Variants in BANP observed in about 807,000 individuals in gnomAD.
BANP encodes the protein protein BANP.
A neutral mutation model predicts 68.1 loss-of-function variants in BANP; 11 were observed. The observed-to-expected ratio is 0.16, with a 90% CI of 0.10 to 0.27. BANP has a LOEUF of 0.27. BANP is among the 10% of genes least tolerant of loss of function. The pLI, the probability that BANP is intolerant of heterozygous loss-of-function variation, is 1.00. For synonymous variants in BANP, 329 were observed against 303.2 expected (o/e 1.09, Z -0.88); for missense variants, 504 against 722.7 (o/e 0.70, Z 3.47).
At chr16:87,951,851 G>T (rs534556358) in intron 1 of BANP, among the ~76,000 whole-genome samples, 32 of 152,130 alleles carry the variant, frequency 2.1e-4, no homozygotes, top group Non-Finnish European at 4.3e-4. Context: ...AGGACCCGGA[G>T]CCACGGCGGG....
chr16:88,018,806 G>A lies in BANP; in HGVS notation c.895+139G>A. The A allele has an allele frequency of 3.4e-6, 4 of 1,172,404 alleles. No individual in the cohort carries two copies. Among genetic ancestry groups the A allele is most frequent in the Non-Finnish European group, 4.7e-6 (4 of 847,676 alleles). The allele number at this position is 1,172,404 out of a possible 1,614,324, so 72.6% of individuals were successfully genotyped here. On this transcript the variant is annotated intron_variant, in intron 7 of 13. Coordinates refer to ENST00000682872, the MANE Select transcript of BANP (RefSeq NM_001386991.1). The surrounding 1 kb of genome is among the most constrained non-coding windows in gnomAD (Gnocchi z 7.7). Reference sequence around the variant, plus strand: ...CAGGCGGTTTGAAATCTCAGCCCGAGGATCAGTGCTCGAGGGGATGGATGA... The same window carrying A: ...CAGGCGGTTTGAAATCTCAGCCCGAAGATCAGTGCTCGAGGGGATGGATGA...
At chr16:87,975,223 C>A in intron 2 of BANP, 38 bp downstream of exon 2, 1 of 1,604,420 alleles carries the variant, frequency 6.2e-7, no homozygotes, top group Non-Finnish European at 8.5e-7. Context: ...ATATTATTCT[C>A]TTTATTCTTC....
chr16:87,980,181 T>G (rs975300597), intron 2 of BANP, among the ~76,000 whole-genome samples: 1 of 152,234 alleles, frequency 6.6e-6, no homozygotes, highest in Non-Finnish European at 1.5e-5. Flanking sequence ...TGACACAATG[T>G]ACAATCTTTA....
At chr16:88,011,113 A>G (rs2072984960) in intron 6 of BANP, among the ~76,000 whole-genome samples, 1 of 152,242 alleles carries the variant, frequency 6.6e-6, no homozygotes, top group African/African-American at 2.4e-5. Context: ...TGAGTGCCAC[A>G]GAGCGGCCGG....
At chr16:88,039,737 A>G (rs2080279295) in intron 11 of BANP, among the ~76,000 whole-genome samples, 1 of 142,772 alleles carries the variant, frequency 7.0e-6, no homozygotes, top group African/African-American at 2.4e-5. Flanking sequence ...GAGTTCAGGA[A>G]GGACTCGGGG....
intron 7 of BANP, among the ~76,000 whole-genome samples, chr16:88,024,284 T>C (rs2076556996): frequency 1.3e-5 from 2 of 152,192 alleles, no homozygotes; most frequent in Admixed American, 6.6e-5. Flanking sequence ...AGGCCGGTGC[T>C]CACTCCTAAC....
In BANP at chr16:88,018,460, G is replaced by A; in HGVS notation, c.688G>A (p.Glu230Lys). ...CCCCAATGGCACCTGGCTGGGCGAC[G>A]AGAACAACCCCGAGATGCGGGTACG... The part of the protein sequence containing the change: ...DYPNGTWLGD[E>K]NNPEMRVRCA... Residue 230 changes from glutamate (E) to lysine (K), a missense_variant, in exon 7 of 14, where the codon GAG (glutamate) becomes AAG (lysine). Glu to Lys is a moderately conservative substitution (Grantham distance 56, BLOSUM62 1). Transcript: ENST00000682872. The surrounding 1 kb of genome is among the most constrained non-coding windows in gnomAD (Gnocchi z 7.7). The A allele has an allele frequency of 6.2e-7, 1 of 1,613,122 alleles. No homozygotes were observed.
intron 1 of BANP, among the ~76,000 whole-genome samples, chr16:87,965,800 G>GT (rs2059916869): frequency 6.6e-6 from 1 of 152,204 alleles, no homozygotes; most frequent in Admixed American, 6.5e-5. Context: ...GGCCTTGCCT[G>GT]TAGACACATC....
At chr16:88,026,483 C>T (rs1256295748) in intron 7 of BANP, among the ~76,000 whole-genome samples, 3 of 152,198 alleles carry the variant, frequency 2.0e-5, no homozygotes, top group Non-Finnish European at 2.9e-5. Flanking sequence ...CATGGGTGGA[C>T]ACAACAAAGG....
At chr16:88,041,731 G>T (rs992900925) in intron 11 of BANP, among the ~76,000 whole-genome samples, 3 of 152,248 alleles carry the variant, frequency 2.0e-5, no homozygotes, top group African/African-American at 7.2e-5. Context: ...CTTACATCTG[G>T]TGCTGGGTTG....
At chr16:88,056,324 A>G (rs2085002290) in intron 11 of BANP, among the ~76,000 whole-genome samples, 1 of 152,184 alleles carries the variant, frequency 6.6e-6, no homozygotes, top group Non-Finnish European at 1.5e-5. Flanking sequence ...TAGGTGTACT[A>G]ATTTGAGGAC....
intron 4 of BANP, among the ~76,000 whole-genome samples, chr16:87,986,773 A>G (rs1469161750): frequency 1.3e-5 from 2 of 152,274 alleles, no homozygotes; most frequent in Non-Finnish European, 1.5e-5. Context: ...CTACTTGTCA[A>G]CAAGCAGTGA....
intron 11 of BANP, among the ~76,000 whole-genome samples, chr16:88,041,544 T>C (rs1327854285): frequency 6.6e-6 from 1 of 152,222 alleles, no homozygotes; most frequent in African/African-American, 2.4e-5. Context: ...TTCATGTCCA[T>C]AGCAGCCTTG....
At chr16:88,037,833 C>T (rs1402005228) in intron 10 of BANP, 140 bp from the exon 11 acceptor site, 27 of 752,672 alleles carry the variant, frequency 3.6e-5, no homozygotes, top group Non-Finnish European at 9.4e-6. Context: ...TTTGTTGCTA[C>T]TGGAGGTTGA....
intron 11 of BANP, among the ~76,000 whole-genome samples, chr16:88,062,192 G>A (rs990676316): frequency 1.3e-5 from 2 of 152,156 alleles, no homozygotes; most frequent in African/African-American, 4.8e-5. Context: ...TAAAGGCATG[G>A]GGGGTGGGGT....
intron 11 of BANP, among the ~76,000 whole-genome samples, chr16:88,055,233 T>C (rs2084698479): frequency 6.6e-6 from 1 of 152,150 alleles, no homozygotes; most frequent in Non-Finnish European, 1.5e-5. Context: ...CTAGGAGGTA[T>C]TTTGTGTATG....
intron 1 of BANP, among the ~76,000 whole-genome samples, chr16:87,963,750 C>T (rs8053441): frequency 0.24 from 36,214 of 152,036 alleles, 4,799 homozygotes; most frequent in East Asian, 0.49. Context: ...TGAAGGAAGC[C>T]CTAGTGTTAA....
chr16:88,031,779 C>T (rs1454536628), intron 8 of BANP, among the ~76,000 whole-genome samples: 1 of 150,994 alleles, frequency 6.6e-6, no homozygotes, highest in Non-Finnish European at 1.5e-5. Flanking sequence ...GCTTTTCTCT[C>T]CCCTCCCCCG....
chr16:87,988,654 T>C (rs1217343176), intron 4 of BANP, among the ~76,000 whole-genome samples: 1 of 151,686 alleles, frequency 6.6e-6, no homozygotes, highest in African/African-American at 2.4e-5. Context: ...TAGCCCGGGG[T>C]TCCCAGGGCT....
Sources: allele counts gnomAD v4.1 joint callset (sites outside exome capture counted in the v4.1 genomes callset), GRCh38; gene constraint gnomAD v4.1.1; non-coding constraint Gnocchi (gnomAD v3.1); transcripts MANE v1.5; gene names NCBI Gene and HGNC (gene_info 2026-07-23, HGNC 2026-07-21).